Variants in ACBD5 observed in about 807,000 individuals in gnomAD.
ACBD5 encodes the protein acyl-CoA-binding domain-containing protein 5.
In ACBD5, 40 loss-of-function variants were observed where a neutral mutation model predicts 71.8. The ratio of observed to expected loss-of-function variants is 0.56; its 90% CI spans 0.43 to 0.72. The LOEUF (loss-of-function observed/expected upper bound fraction) is 0.72, where lower values mean the gene tolerates loss of function less well. Among genes scored for constraint, ACBD5 ranks in the 30% least tolerant of loss-of-function variants. The probability of loss-of-function intolerance (pLI) is 0.00; values close to 1 mark genes in which losing one functional copy is unlikely to be tolerated. For synonymous variants in ACBD5, 229 were observed against 218.6 expected, an observed-to-expected ratio of 1.05 and a Z score of -0.42; for missense variants, 559 against 644.5, an observed-to-expected ratio of 0.87 and a Z score of 1.44.
intron 13 of ACBD5, chr10:27,186,526 T>G: frequency 6.8e-6 from 11 of 1,614,060 alleles, no homozygotes; most frequent in Non-Finnish European, 9.3e-6. Context: ...GTATCTGGAT[T>G]TAGTCTGTAG....
chr10:27,238,730 T>G (rs2065079374), intron 2 of ACBD5, among the ~76,000 whole-genome samples: 1 of 152,234 alleles, frequency 6.6e-6, no homozygotes, highest in Non-Finnish European at 1.5e-5. Flanking sequence ...TAATGAATTT[T>G]TATTGAATGA....
chr10:27,219,602 G>C, intron 6 of ACBD5, 121 bp downstream of exon 6: 1 of 1,363,046 alleles, frequency 7.3e-7, no homozygotes, highest in Admixed American at 1.7e-5. Flanking sequence ...TTGTTTATAA[G>C]GTCAACAGCT....
At position 27,195,901 on chromosome 10, in the gene ACBD5, C is replaced by T. The variant is rs951107946; in HGVS notation, c.*1529G>A. Reference sequence around the variant, plus strand: ...CCCAACATCATACATCTTGAGAATGCTTAAAAATTATTTGCTACAGGCCAG... The same window carrying T: ...CCCAACATCATACATCTTGAGAATGTTTAAAAATTATTTGCTACAGGCCAG... On this transcript the variant is annotated 3_prime_UTR_variant, in exon 13 of 13. Coordinates refer to ENST00000396271, the MANE Select transcript of ACBD5 (RefSeq NM_145698.5). 6.6e-6 allele frequency: 3 copies of T among 453,286 alleles called. No homozygotes were observed. Among genetic ancestry groups the T allele is most frequent in the Admixed American group, 2.4e-5 (1 of 42,332 alleles). 28.1% of individuals were successfully genotyped at this position (453,286 alleles called of 1,614,324 possible).
At chr10:27,229,659 G>A (rs1014018881) in intron 4 of ACBD5, among the ~76,000 whole-genome samples, 3 of 152,140 alleles carry the variant, frequency 2.0e-5, no homozygotes, top group Non-Finnish European at 4.4e-5. Context: ...AAATCTTTGG[G>A]ATAATGTACT....
chr10:27,186,438 A>G, intron 13 of ACBD5: 1 of 1,614,114 alleles, frequency 6.2e-7, no homozygotes, highest in South Asian at 1.1e-5. Flanking sequence ...GCATCAGACT[A>G]TGCCTTTCAT....
intron 3 of ACBD5, among the ~76,000 whole-genome samples, chr10:27,234,123 C>G (rs2064301717): frequency 6.6e-6 from 1 of 152,218 alleles, no homozygotes; most frequent in Non-Finnish European, 1.5e-5. Flanking sequence ...ATTGACTTTT[C>G]TCAGACATTT....
chr10:27,238,476 C>G (rs12250812), intron 2 of ACBD5, among the ~76,000 whole-genome samples: 11,998 of 152,226 alleles, frequency 0.079, 1,550 homozygotes, highest in African/African-American at 0.27. Context: ...TTACATAAAA[C>G]TCTTAGAATC....
chr10:27,209,666 G>C (rs751758603), intron 9 of ACBD5, among the ~76,000 whole-genome samples: 1 of 152,066 alleles, frequency 6.6e-6, no homozygotes, highest in Non-Finnish European at 1.5e-5. Flanking sequence ...TAAATTGTGT[G>C]TTCCTTATAG....
intron 13 of ACBD5, among the ~76,000 whole-genome samples, chr10:27,185,399 G>A (rs1224963300): frequency 6.6e-6 from 1 of 151,820 alleles, no homozygotes; most frequent in African/African-American, 2.4e-5. Context: ...TTGGGAGGCT[G>A]AGGCGGGTGG....
chr10:27,210,285 A>C (rs900641511), intron 9 of ACBD5, among the ~76,000 whole-genome samples: 2 of 152,200 alleles, frequency 1.3e-5, no homozygotes, highest in Admixed American at 1.3e-4. Flanking sequence ...ACCTGCATCA[A>C]GCATTGTTGG....
chr10:27,196,766 A>T lies in ACBD5; in HGVS notation c.*664T>A, dbSNP rs777042908. 31 of 454,182 alleles carry T rather than the reference A, an allele frequency of 6.8e-5. No homozygotes were observed. The highest frequency in any genetic ancestry group is 4.8e-4 in the South Asian group (31 of 64,488). 28.1% of individuals were successfully genotyped at this position (454,182 alleles called of 1,614,324 possible). A position where few individuals can be genotyped will look rare whatever the true frequency, so the allele number is the denominator to read the frequency against. On this transcript the variant is annotated 3_prime_UTR_variant, in exon 13 of 13. Transcript: ENST00000396271. ...AAGCTCATTCTTCACCATTTCCATC[A>T]GTGGGTTATGTCTAGCCTGCAAATC...
chr10:27,197,628 CCAAA>C (rs1203580360), intron 12 of ACBD5, among the ~76,000 whole-genome samples, 186 bp from the exon 13 acceptor site: 5 of 152,102 alleles, frequency 3.3e-5, no homozygotes, highest in African/African-American at 1.2e-4. Flanking sequence ...GCTGAAATTA[CCAAA>C]CAGTTTTAAA....
At chr10:27,227,049 T>C (rs189032878) in intron 4 of ACBD5, among the ~76,000 whole-genome samples, 35 of 121,474 alleles carry the variant, frequency 2.9e-4, no homozygotes, top group African/African-American at 1.1e-3. Context: ...CCAACTATTG[T>C]TAGTATCAGT....
intron 10 of ACBD5, among the ~76,000 whole-genome samples, chr10:27,205,789 C>T (rs1365785489): frequency 2.0e-5 from 3 of 151,876 alleles, no homozygotes; most frequent in Non-Finnish European, 2.9e-5. Flanking sequence ...CTCAGCCTCC[C>T]AAAGTGTTGG....
At chr10:27,204,893 C>T (rs547662871) in intron 11 of ACBD5, among the ~76,000 whole-genome samples, 31 of 152,124 alleles carry the variant, frequency 2.0e-4, no homozygotes, top group Non-Finnish European at 3.4e-4. Flanking sequence ...TTTGGGAGGC[C>T]GAGGTGGGCA....
intron 6 of ACBD5, among the ~76,000 whole-genome samples, chr10:27,219,193 T>C (rs996423456): frequency 3.3e-5 from 5 of 151,804 alleles, no homozygotes; most frequent in Non-Finnish European, 5.9e-5. Context: ...TCCCAGCTAA[T>C]TGCGAGGCTG....
chr10:27,228,358 G>A (rs1370824945), intron 4 of ACBD5, among the ~76,000 whole-genome samples: 2 of 151,322 alleles, frequency 1.3e-5, no homozygotes, highest in Non-Finnish European at 2.9e-5. Flanking sequence ...GGAAGATCAC[G>A]AGGTCAGGAG....
chr10:27,232,619 G>A (rs552966950), intron 3 of ACBD5, among the ~76,000 whole-genome samples: 21 of 152,170 alleles, frequency 1.4e-4, no homozygotes, highest in Admixed American at 7.2e-4. Flanking sequence ...GAGCCACTGC[G>A]CCCAGCCAGC....
At chr10:27,223,203 C>A in intron 5 of ACBD5, 135 bp downstream of exon 5, 1 of 747,408 alleles carries the variant, frequency 1.3e-6, no homozygotes, top group Non-Finnish European at 2.4e-6. Context: ...TTCATGATTC[C>A]TACCTTCTAA....
Sources: gnomAD v4.1 joint callset for allele counts (sites outside exome capture counted in the v4.1 genomes callset) on GRCh38, gnomAD v4.1.1 for gene constraint, MANE v1.5 for transcripts, NCBI Gene and HGNC (gene_info 2026-07-23, HGNC 2026-07-21) for gene names.